Variants in SLC39A11 observed in about 807,000 individuals in gnomAD.
The protein encoded by SLC39A11 is solute carrier family 39 member 11.
In SLC39A11, 33 loss-of-function variants were observed where a neutral mutation model predicts 36.1. That is an observed-to-expected ratio of 0.91 (90% confidence interval 0.69 to 1.22). The LOEUF is 1.22. Among genes scored for constraint, SLC39A11 ranks in the 50% most tolerant of loss-of-function variants. SLC39A11 has a pLI of 0.00. For missense variants in SLC39A11, 432 were observed against 430.3 expected (o/e 1.00, Z -0.03); for synonymous variants, 166 against 170.3 (o/e 0.97, Z 0.20).
intron 6 of SLC39A11, among the ~76,000 whole-genome samples, chr17:72,825,653 G>A (rs184712028): frequency 1.0e-3 from 159 of 152,360 alleles, no homozygotes; most frequent in African/African-American, 3.3e-3. Context: ...GCTGTACCGC[G>A]CAGAGCCAAA....
chr17:72,918,002 C>A (rs1419643110), intron 5 of SLC39A11, among the ~76,000 whole-genome samples: 2 of 152,200 alleles, frequency 1.3e-5, no homozygotes, highest in Non-Finnish European at 2.9e-5. Flanking sequence ...CTGCCAGGGG[C>A]AGAACAAAAA....
intron 3 of SLC39A11, among the ~76,000 whole-genome samples, chr17:73,050,462 C>CTTTTTTTTTTTTTTTTT (rs558193911): frequency 1.4e-4 from 17 of 124,310 alleles, no homozygotes; most frequent in South Asian, 5.5e-4. Flanking sequence ...TGTGAACTGA[C>CTTTTTTTTTTTTTTTTT]TTTTTTTTTT....
chr17:72,916,298 C>T (rs17183225), intron 5 of SLC39A11, among the ~76,000 whole-genome samples: 21,893 of 151,846 alleles, frequency 0.14, 1,933 homozygotes, highest in Non-Finnish European at 0.2. Context: ...CCTTAAACCA[C>T]TATTTGATCA....
intron 6 of SLC39A11, among the ~76,000 whole-genome samples, chr17:72,809,669 C>T (rs751025470): frequency 3.2e-4 from 48 of 152,144 alleles, no homozygotes; most frequent in African/African-American, 9.9e-4. Context: ...TTCATTTTAA[C>T]GGTATTTTAG....
intron 7 of SLC39A11, among the ~76,000 whole-genome samples, chr17:72,690,625 G>C (rs954917935): frequency 6.6e-6 from 1 of 152,226 alleles, no homozygotes; most frequent in African/African-American, 2.4e-5. Context: ...TTTGTGAACA[G>C]TTCTATAACC....
At chr17:72,967,204 G>C (rs980076916) in intron 4 of SLC39A11, among the ~76,000 whole-genome samples, 1 of 152,224 alleles carries the variant, frequency 6.6e-6, no homozygotes, top group East Asian at 1.9e-4. Context: ...TAATATGCTT[G>C]AATCATCCCA....
chr17:72,959,715 A>G (rs1025461443), intron 4 of SLC39A11, among the ~76,000 whole-genome samples: 1 of 152,082 alleles, frequency 6.6e-6, no homozygotes, highest in African/African-American at 2.4e-5. Flanking sequence ...TAACCTATGG[A>G]AAAAAATTTT....
intron 7 of SLC39A11, among the ~76,000 whole-genome samples, chr17:72,690,756 G>A (rs1296284301): frequency 6.6e-6 from 1 of 152,110 alleles, no homozygotes. Context: ...GAGTCTCAGG[G>A]AAGGGAGGCC....
intron 6 of SLC39A11, among the ~76,000 whole-genome samples, chr17:72,759,111 CAATAAT>C (rs201799463): frequency 1.2e-4 from 18 of 144,616 alleles, no homozygotes; most frequent in African/African-American, 4.0e-4. Context: ...AAAATAATAA[CAATAAT>C]AATAATAATA....
intron 6 of SLC39A11, among the ~76,000 whole-genome samples, chr17:72,758,488 A>T (rs888920549): frequency 6.6e-6 from 1 of 152,190 alleles, no homozygotes; most frequent in South Asian, 2.1e-4. Context: ...TTGTGGCAGG[A>T]GGTAGCCCAT....
intron 4 of SLC39A11, among the ~76,000 whole-genome samples, chr17:72,980,333 T>A (rs866510070): frequency 1.3e-5 from 2 of 152,162 alleles, no homozygotes; most frequent in Non-Finnish European, 2.9e-5. Flanking sequence ...TACCCAGGAA[T>A]ACATTCAACC....
chr17:72,885,028 T>G (rs780627432), intron 5 of SLC39A11, among the ~76,000 whole-genome samples: 6 of 152,238 alleles, frequency 3.9e-5, no homozygotes, highest in South Asian at 4.1e-4. Flanking sequence ...AGCACTTGAA[T>G]GATTTGTGTC....
chr17:72,753,318 T>A (rs891683), intron 6 of SLC39A11, among the ~76,000 whole-genome samples: 80,141 of 151,982 alleles, frequency 0.53, 21,830 homozygotes, highest in Non-Finnish European at 0.61. Context: ...TTTGACTTTG[T>A]GTTTGGGAAC....
At chr17:72,786,612 C>CAAT (rs936381591) in intron 6 of SLC39A11, among the ~76,000 whole-genome samples, 20 of 152,208 alleles carry the variant, frequency 1.3e-4, no homozygotes, top group African/African-American at 4.8e-4. Context: ...GACACTCAGG[C>CAAT]TATTCCTCAA....
intron 5 of SLC39A11, among the ~76,000 whole-genome samples, chr17:72,930,948 C>T (rs1343385704): frequency 6.6e-6 from 1 of 152,166 alleles, no homozygotes; most frequent in African/African-American, 2.4e-5. Context: ...GACAGGGCCC[C>T]AGAAGAGCTC....
intron 7 of SLC39A11, among the ~76,000 whole-genome samples, chr17:72,710,388 T>C (rs1485095917): frequency 1.3e-5 from 2 of 152,204 alleles, no homozygotes; most frequent in African/African-American, 4.8e-5. Flanking sequence ...TGCAGTAGTA[T>C]TAAGAGGTGG....
At chr17:72,905,216 T>C (rs1327224604) in intron 5 of SLC39A11, among the ~76,000 whole-genome samples, 2 of 142,170 alleles carry the variant, frequency 1.4e-5, no homozygotes, top group East Asian at 4.4e-4. Context: ...CAGGCCATGA[T>C]TCTCCTGGAG....
At chr17:72,888,578 C>T (rs148254390) in intron 5 of SLC39A11, among the ~76,000 whole-genome samples, 277 of 152,264 alleles carry the variant, frequency 1.8e-3, no homozygotes, top group African/African-American at 5.8e-3. Context: ...ATTTTGCCTA[C>T]TCGATCAGCT....
intron 7 of SLC39A11, among the ~76,000 whole-genome samples, chr17:72,701,390 G>T (rs2072609951): frequency 1.3e-5 from 2 of 152,128 alleles, no homozygotes; most frequent in African/African-American, 4.8e-5. Flanking sequence ...AGGCTGTGGG[G>T]CCAGAAAGAG....
Sources: gnomAD v4.1 joint callset for allele counts (sites outside exome capture counted in the v4.1 genomes callset) on GRCh38, gnomAD v4.1.1 for gene constraint, MANE v1.5 for transcripts, NCBI Gene and HGNC (gene_info 2026-07-23, HGNC 2026-07-21) for gene names.